Variants in EVC observed in about 807,000 individuals in gnomAD.
The protein encoded by EVC is evC complex member EVC.
In EVC, 116 loss-of-function variants were observed where a neutral mutation model predicts 118.9. That is an observed-to-expected ratio of 0.98 (90% CI 0.84 to 1.14). The LOEUF (loss-of-function observed/expected upper bound fraction) is 1.14, where lower values mean the gene tolerates loss of function less well. EVC is among the 50% of genes most tolerant of loss of function. The probability of loss-of-function intolerance (pLI) is 0.00; values close to 1 mark genes in which losing one functional copy is unlikely to be tolerated. For synonymous variants in EVC, 619 were observed against 534.7 expected (o/e 1.16, Z -2.18); for missense variants, 1,401 against 1,246.4 (o/e 1.12, Z -1.87).
At chr4:5,766,416 C>A (rs1208266965) in intron 11 of EVC, among the ~76,000 whole-genome samples, 1 of 132,210 alleles carries the variant, frequency 7.6e-6, no homozygotes, top group Non-Finnish European at 1.6e-5. Flanking sequence ...ATCTTGGTGG[C>A]GTTCTCTGTA....
At chr4:5,770,055 T>C (rs1485235435) in intron 11 of EVC, among the ~76,000 whole-genome samples, 2 of 152,004 alleles carry the variant, frequency 1.3e-5, no homozygotes, top group Non-Finnish European at 2.9e-5. Flanking sequence ...GGGAGAGGCA[T>C]AGGGCTCGAG....
At chr4:5,825,774 A>ACT in the EVC span, 39 of 975,650 alleles carry the variant, frequency 4.0e-5, no homozygotes, top group Middle Eastern at 2.1e-4. This position sits in a 1 kb window ranked among gnomAD's most constrained non-coding sequence, Gnocchi z 4.4. Context: ...TCAAATGTGC[A>ACT]TGCACACACA....
rs529532830 is a variant in EVC, at chr4:5,714,183, C to G, written c.174+2629C>G. Among the ~76,000 whole-genome samples, 58 of 152,368 alleles carry G rather than the reference C, an allele frequency of 3.8e-4. No homozygotes were observed. The East Asian group carries it at 0.011, about 28-fold the overall frequency. On this transcript the variant is annotated intron_variant, in intron 1 of 20. Transcript: ENST00000264956. ...ACTAGGGAAGCCTTAACCTTCCACG[C>G]TAGATCAGGTACTTCCCTGCTTTGT...
Position 5,797,215 on chromosome 4 carries a change from C to A in EVC, c.2080C>A (p.Gln694Lys). Residue 694 changes from glutamine to lysine, a missense_variant, in exon 14 of 21, where the codon CAG becomes AAG. Transcript: ENST00000264956. ...SSQCLDEHQW[Q>K]LLRALEARVL... ...CCAGTGCCTGGACGAGCATCAGTGG[C>A]AGCTGCTCAGGGCCCTGGTAAGACC... The A allele has an allele frequency of 1.9e-6, 3 of 1,610,222 alleles. No homozygotes were observed. The highest frequency in any genetic ancestry group is 2.5e-6 in the Non-Finnish European group (3 of 1,179,186).
intron 17 of EVC, 65 bp from the exon 18 acceptor site, chr4:5,808,136 T>TACCAAA: frequency 9.8e-6 from 3 of 306,550 alleles, no homozygotes; most frequent in Non-Finnish European, 2.1e-5. Context: ...TCCTTCTCCC[T>TACCAAA]CCCTCCCTCC....
At chr4:5,788,380 G>T (rs1306776374) in intron 12 of EVC, among the ~76,000 whole-genome samples, 1 of 152,086 alleles carries the variant, frequency 6.6e-6, no homozygotes, top group Non-Finnish European at 1.5e-5. Flanking sequence ...CCCCTCTCAG[G>T]TTTCAGTTCC....
chr4:5,820,633 A>T, the EVC span: 3 of 152,060 alleles, frequency 2.0e-5, no homozygotes, highest in Non-Finnish European at 2.9e-5. Context: ...TCATGAACTG[A>T]ATCTCTCCTC....
the EVC span, chr4:5,824,483 CCT>C: frequency 0.044 from 29,432 of 664,560 alleles, no homozygotes; most frequent in Middle Eastern, 0.06. Flanking sequence ...CACACGTCAT[CCT>C]CTCTCTCTCT....
rs745966873 is a variant in EVC, at chr4:5,719,421, G to T, written c.300+48G>T. 6.2e-7 allele frequency: 1 copy of T among 1,613,232 alleles called. No homozygotes were observed. The highest frequency in any genetic ancestry group is 1.1e-5 in the South Asian group (1 of 91,002). ...TTTGTGGAGGCACATGTGGGAGGTG[G>T]GGTATTCCCCCTGGAAGCCGGGTGT... On this transcript the variant is annotated intron_variant, in intron 2 of 20. Transcript: ENST00000264956. This position sits in a 1 kb window ranked among gnomAD's most constrained non-coding sequence, Gnocchi z 4.7.
At chr4:5,790,970 C>G (rs1712665358) in intron 12 of EVC, among the ~76,000 whole-genome samples, 1 of 152,098 alleles carries the variant, frequency 6.6e-6, no homozygotes, top group Admixed American at 6.5e-5. Flanking sequence ...TGGCGGGTGC[C>G]TGTAATCCCA....
chr4:5,809,489 C>G (rs1273762862), intron 18 of EVC, 29 bp from the exon 19 acceptor site: 2 of 1,605,384 alleles, frequency 1.2e-6, no homozygotes, highest in Non-Finnish European at 1.7e-6. Context: ...GGAGGCCCAG[C>G]TGAATGCTCC....
chr4:5,735,970 C>G (rs1446527288), intron 5 of EVC, among the ~76,000 whole-genome samples: 1 of 152,130 alleles, frequency 6.6e-6, no homozygotes, highest in African/African-American at 2.4e-5. Context: ...TACTCTGTTT[C>G]CCTGGTAGAG....
chr4:5,800,217 C>T (rs183207769), intron 15 of EVC, among the ~76,000 whole-genome samples: 65 of 152,156 alleles, frequency 4.3e-4, no homozygotes, highest in African/African-American at 8.4e-4. Context: ...TAGTGGTGTG[C>T]GCCTGTAATC....
rs569551282 is a variant in EVC, at chr4:5,790,269, C to T, written c.1777-3339C>T. Among the ~76,000 whole-genome samples the T allele has an allele frequency of 3.3e-5, 5 of 151,832 alleles. No individual in the cohort carries two copies. The South Asian group carries it at 1.0e-3, about 32-fold the overall frequency. On this transcript the variant is annotated intron_variant, in intron 12 of 20. Coordinates refer to ENST00000264956, the MANE Select transcript of EVC (RefSeq NM_153717.3). Reference sequence around the variant, plus strand: ...CACTCCAATAGATTATTGTAAACTCCTTACAAGAGGAATCAGAGATGGGAG... The same window carrying T: ...CACTCCAATAGATTATTGTAAACTCTTTACAAGAGGAATCAGAGATGGGAG...
chr4:5,724,515 C>T (rs150313015), intron 2 of EVC, among the ~76,000 whole-genome samples: 3 of 152,212 alleles, frequency 2.0e-5, no homozygotes, highest in South Asian at 2.1e-4. Context: ...CTAAAGAGGG[C>T]GGACCTGGGG....
chr4:5,809,309 G>T (rs1716510359), intron 18 of EVC, among the ~76,000 whole-genome samples: 1 of 152,140 alleles, frequency 6.6e-6, no homozygotes, highest in African/African-American at 2.4e-5. Flanking sequence ...TGTGAGTGAG[G>T]ACCCACAGTT....
intron 2 of EVC, among the ~76,000 whole-genome samples, chr4:5,724,120 C>T (rs1725418922): frequency 2.0e-5 from 3 of 152,210 alleles, no homozygotes; most frequent in Admixed American, 6.5e-5. Flanking sequence ...TAATAATAGT[C>T]CCCACCTCCC....
intron 12 of EVC, among the ~76,000 whole-genome samples, chr4:5,791,105 AAAAG>A (rs1457837308): frequency 6.6e-6 from 1 of 152,216 alleles, no homozygotes; most frequent in Non-Finnish European, 1.5e-5. Flanking sequence ...CAAAAAGAAA[AAAAG>A]AAAATTATAG....
intron 11 of EVC, among the ~76,000 whole-genome samples, chr4:5,767,928 C>A (rs114317866): frequency 6.6e-6 from 1 of 152,326 alleles, no homozygotes; most frequent in South Asian, 2.1e-4. Context: ...GCCCCTCCCC[C>A]CACCGGCAGC....
Sources: allele counts gnomAD v4.1 joint callset (sites outside exome capture counted in the v4.1 genomes callset), GRCh38; gene constraint gnomAD v4.1.1; non-coding constraint Gnocchi (gnomAD v3.1); transcripts MANE v1.5; gene names NCBI Gene and HGNC (gene_info 2026-07-23, HGNC 2026-07-21).